The following SAMMSON variants were observed in gnomAD, a reference collection of about 807,000 sequenced individuals.
SAMMSON encodes the protein long intergenic non-protein coding RNA 1212.
chr3:70,267,638 G>T (rs554160123), intron 6 of SAMMSON, among the ~76,000 whole-genome samples: 62 of 130,370 alleles, frequency 4.8e-4, no homozygotes, highest in Admixed American at 8.3e-4. Context: ...GAATGGTCTT[G>T]ACCTCCTGAC....
intron 7 of SAMMSON, among the ~76,000 whole-genome samples, chr3:70,307,445 A>T (rs1361298634): frequency 6.6e-6 from 1 of 152,004 alleles, no homozygotes; most frequent in East Asian, 1.9e-4. Flanking sequence ...TGAAATGCTT[A>T]CCCAGAATGC....
chr3:70,345,899 A>G (rs1395011370), intron 7 of SAMMSON, among the ~76,000 whole-genome samples: 1 of 152,232 alleles, frequency 6.6e-6, no homozygotes, highest in Non-Finnish European at 1.5e-5. Flanking sequence ...CTATTCAAGA[A>G]CATATGAGTT....
chr3:70,122,726 A>G (rs532331133), intron 4 of SAMMSON, among the ~76,000 whole-genome samples: 1 of 152,338 alleles, frequency 6.6e-6, no homozygotes, highest in South Asian at 2.1e-4. Context: ...TCTAGAATAG[A>G]TAACTTTTGA....
intron 2 of SAMMSON, among the ~76,000 whole-genome samples, chr3:70,430,159 G>C (rs1189556348): frequency 1.3e-5 from 2 of 152,090 alleles, no homozygotes; most frequent in Non-Finnish European, 2.9e-5. Context: ...CTAGTTTATT[G>C]AGAGTTTTTA....
intron 4 of SAMMSON, among the ~76,000 whole-genome samples, chr3:70,144,291 T>A (rs968193658): frequency 6.6e-6 from 1 of 152,106 alleles, no homozygotes; most frequent in African/African-American, 2.4e-5. Context: ...ATAATGAGTA[T>A]GCTGAACTGC....
intron 7 of SAMMSON, among the ~76,000 whole-genome samples, chr3:70,344,832 A>G (rs1702738699): frequency 6.6e-6 from 1 of 152,228 alleles, no homozygotes; most frequent in African/African-American, 2.4e-5. Context: ...TTTCATTACA[A>G]GATGCTCCAG....
At chr3:70,372,782 G>A (rs1421741772) in intron 9 of SAMMSON, among the ~76,000 whole-genome samples, 1 of 152,100 alleles carries the variant, frequency 6.6e-6, no homozygotes, top group Non-Finnish European at 1.5e-5. Flanking sequence ...TTCAACTTAT[G>A]TGTAGTATGT....
At chr3:70,032,943 C>T (rs1190481431) in intron 3 of SAMMSON, among the ~76,000 whole-genome samples, 1 of 152,166 alleles carries the variant, frequency 6.6e-6, no homozygotes, top group African/African-American at 2.4e-5. Context: ...CAGTCCACTT[C>T]TGATTTCGTT....
chr3:70,335,694 T>C (rs1032151654), intron 7 of SAMMSON, among the ~76,000 whole-genome samples: 2 of 152,036 alleles, frequency 1.3e-5, no homozygotes, highest in Admixed American at 6.6e-5. Flanking sequence ...GTTCATATCA[T>C]GCTTGCGAAG....
At chr3:70,016,430 GTTGT>G (rs2066986026) in intron 3 of SAMMSON, among the ~76,000 whole-genome samples, 1 of 152,128 alleles carries the variant, frequency 6.6e-6, no homozygotes, top group Non-Finnish European at 1.5e-5. Context: ...TTGTGATGGG[GTTGT>G]TTGTTTTTTT....
intron 7 of SAMMSON, among the ~76,000 whole-genome samples, chr3:70,328,874 T>C (rs1251307561): frequency 1.3e-5 from 2 of 152,116 alleles, no homozygotes; most frequent in Non-Finnish European, 2.9e-5. Flanking sequence ...CCAAAAATTA[T>C]CAAATTACTT....
intron 3 of SAMMSON, among the ~76,000 whole-genome samples, chr3:70,024,373 G>A (rs60403843): frequency 0.39 from 58,807 of 152,034 alleles, 11,770 homozygotes; most frequent in East Asian, 0.61. Context: ...TATAATTTCT[G>A]ATTGGAATAG....
At chr3:70,242,017 C>T (rs1366684308) in intron 4 of SAMMSON, among the ~76,000 whole-genome samples, 1 of 152,164 alleles carries the variant, frequency 6.6e-6, no homozygotes, top group Non-Finnish European at 1.5e-5. Context: ...CTTCTGTGTG[C>T]AACGGCTGAC....
At chr3:70,432,773 G>T (rs761360089) in intron 2 of SAMMSON, among the ~76,000 whole-genome samples, 1 of 151,898 alleles carries the variant, frequency 6.6e-6, no homozygotes, top group Non-Finnish European at 1.5e-5. Flanking sequence ...TATATAGAAT[G>T]GTTTCACTGC....
chr3:70,301,470 A>T (rs1231296776), intron 7 of SAMMSON, among the ~76,000 whole-genome samples: 1 of 152,130 alleles, frequency 6.6e-6, no homozygotes, highest in Non-Finnish European at 1.5e-5. Context: ...CAACTGAATT[A>T]TAAGTTTCTT....
chr3:70,290,602 C>G (rs575090871), intron 6 of SAMMSON, among the ~76,000 whole-genome samples: 4 of 152,320 alleles, frequency 2.6e-5, no homozygotes, highest in South Asian at 2.1e-4. Context: ...TTCGAGTTTC[C>G]GGGCTGTTTT....
intron 2 of SAMMSON, among the ~76,000 whole-genome samples, chr3:70,403,854 C>A (rs1043591642): frequency 6.6e-6 from 1 of 152,048 alleles, no homozygotes; most frequent in Non-Finnish European, 1.5e-5. Context: ...ATGTGTGATA[C>A]TTATGATCCT....
chr3:70,315,820 A>T, intron 7 of SAMMSON, among the ~76,000 whole-genome samples: 1 of 152,144 alleles, frequency 6.6e-6, no homozygotes, highest in Non-Finnish European at 1.5e-5. Context: ...CAAACGCTCA[A>T]AAGTGACAAG....
At chr3:70,350,486 A>G (rs1387044632) in intron 7 of SAMMSON, among the ~76,000 whole-genome samples, 2 of 152,144 alleles carry the variant, frequency 1.3e-5, no homozygotes, top group East Asian at 3.9e-4. Context: ...TACTGGAAAC[A>G]TCATGAACCC....
Sources: allele counts gnomAD v4.1 joint callset (sites outside exome capture counted in the v4.1 genomes callset), GRCh38; gene constraint gnomAD v4.1.1; transcripts MANE v1.5; gene names NCBI Gene and HGNC (gene_info 2026-07-23, HGNC 2026-07-21).